The following LMBR1 variants were observed in gnomAD, a reference collection of about 807,000 sequenced individuals.
The protein encoded by LMBR1 is limb region 1 protein homolog.
LMBR1 carries 52 observed loss-of-function variants against 73.9 expected under a neutral mutation model. The ratio of observed to expected loss-of-function variants is 0.70; its 90% CI spans 0.56 to 0.89. LMBR1 has a LOEUF of 0.89. Among genes scored for constraint, LMBR1 ranks in the 40% least tolerant of loss-of-function variants. LMBR1 has a pLI of 0.00. For missense variants in LMBR1, 539 were observed against 579.8 expected, an observed-to-expected ratio of 0.93 and a Z score of 0.72; for synonymous variants, 215 against 209.4, an observed-to-expected ratio of 1.03 and a Z score of -0.23.
intron 2 of LMBR1, among the ~76,000 whole-genome samples, chr7:156,835,649 C>A (rs1837489487): frequency 6.7e-6 from 1 of 149,788 alleles, no homozygotes; most frequent in African/African-American, 2.5e-5. Flanking sequence ...AAGCCGAGAT[C>A]GCACCACTGC....
chr7:156,706,898 A>AC (rs1320126775), intron 15 of LMBR1, among the ~76,000 whole-genome samples: 1 of 151,746 alleles, frequency 6.6e-6, no homozygotes, highest in Non-Finnish European at 1.5e-5. Context: ...CAAAAAAAAA[A>AC]CAATAAAATA....
rs571098930 is a variant in LMBR1, at chr7:156,756,526, C to G, written c.685-61G>C. The stretch of plus-strand genomic sequence containing the variant: ...GTTATAAAACGAATGCTTATGAGAC[C>G]ATTTAGGCTATTTGGTCAATTTATT... On this transcript the variant is annotated intron_variant, in intron 8 of 16. Transcript: ENST00000353442. The G allele has an allele frequency of 9.8e-5, 78 of 798,642 alleles. No homozygotes were observed. In the African/African-American group the frequency reaches 1.2e-3, roughly 12 times the overall value. The allele number at this position is 798,642 out of a possible 1,614,324, so 49.5% of individuals were successfully genotyped here. A position where few individuals can be genotyped will look rare whatever the true frequency, so the allele number is the denominator to read the frequency against.
intron 5 of LMBR1, among the ~76,000 whole-genome samples, chr7:156,777,408 C>T (rs1445986800): frequency 6.6e-6 from 1 of 152,170 alleles, no homozygotes; most frequent in Non-Finnish European, 1.5e-5. Flanking sequence ...ATTTCTAATT[C>T]TTTCGTTCTA....
Position 156,877,621 on chromosome 7 carries a change from T to C in LMBR1, c.66+15307A>G, listed in dbSNP as rs924245493. 2.6e-5 allele frequency among the ~76,000 whole-genome samples: 4 copies of C among 152,012 alleles called. No homozygotes were observed. In the South Asian group the frequency reaches 8.3e-4, roughly 32 times the overall value. On this transcript the variant is annotated intron_variant, in intron 1 of 16. Transcript: ENST00000353442. ...CAAGTCGGCCGGGCGCGGTGGCTCA[T>C]GCCTGTAATCCCAGCACGTTGGGAG... is the stretch of plus-strand genomic sequence containing the variant.
intron 9 of LMBR1, among the ~76,000 whole-genome samples, chr7:156,738,445 C>G (rs1207903088): frequency 4.6e-5 from 7 of 152,158 alleles, no homozygotes; most frequent in Admixed American, 4.6e-4. Context: ...AGTCCTGCTG[C>G]TGGGCTGGGC....
chr7:156,750,132 G>A (rs1417714003), intron 9 of LMBR1, among the ~76,000 whole-genome samples: 1 of 152,096 alleles, frequency 6.6e-6, no homozygotes. Flanking sequence ...AACTCCGGAG[G>A]TTTTGAACTT....
At chr7:156,701,629 C>A (rs1809715409) in intron 15 of LMBR1, among the ~76,000 whole-genome samples, 1 of 152,116 alleles carries the variant, frequency 6.6e-6, no homozygotes, top group Non-Finnish European at 1.5e-5. Context: ...ATGGTACAAC[C>A]ACTCTTTTCA....
At chr7:156,805,575 C>T (rs78280235) in intron 4 of LMBR1, among the ~76,000 whole-genome samples, 4,840 of 152,246 alleles carry the variant, frequency 0.032, 123 homozygotes, top group South Asian at 0.085. Flanking sequence ...ATGGTCAATC[C>T]TCTAACTTTG....
intron 1 of LMBR1, among the ~76,000 whole-genome samples, chr7:156,863,894 A>G (rs1472716649): frequency 6.6e-6 from 1 of 152,192 alleles, no homozygotes; most frequent in Non-Finnish European, 1.5e-5. Context: ...TCACACCTGT[A>G]ATCCCAGCAC....
At position 156,684,035 on chromosome 7, in the gene LMBR1, A is replaced by T; in HGVS notation, c.*43T>A. 2.1e-6 allele frequency: 3 copies of T among 1,457,964 alleles called. No individual in the cohort carries two copies. Among genetic ancestry groups the T allele is most frequent in the African/African-American group, 2.8e-5 (2 of 71,588 alleles). 90.3% of individuals were successfully genotyped at this position (1,457,964 alleles called of 1,614,324 possible). A position where few individuals can be genotyped will look rare whatever the true frequency, so the allele number is the denominator to read the frequency against. ...TGGGACAGGAATGTCGTGAATCTGG[A>T]GTTCTCGGGTCTCTTGGTGGCAGAA... On this transcript the variant is annotated 3_prime_UTR_variant, in exon 17 of 17. Transcript: ENST00000353442.
At chr7:156,758,355 T>C (rs951338842) in intron 8 of LMBR1, among the ~76,000 whole-genome samples, 1 of 152,258 alleles carries the variant, frequency 6.6e-6, no homozygotes, top group Non-Finnish European at 1.5e-5. Flanking sequence ...ATCTTTCTTA[T>C]GCAAATTGTC....
chr7:156,694,945 G>T (rs1413670620), intron 15 of LMBR1, among the ~76,000 whole-genome samples: 1 of 152,060 alleles, frequency 6.6e-6, no homozygotes, highest in Non-Finnish European at 1.5e-5. Context: ...GAAAGTAAAA[G>T]ACATGTAAAA....
Position 156,795,410 on chromosome 7 carries a change from A to G in LMBR1, c.423+979T>C, listed in dbSNP as rs759862712. Among the ~76,000 whole-genome samples the G allele has an allele frequency of 2.0e-5, 3 of 152,336 alleles. No homozygotes were observed. The East Asian group carries it at 5.8e-4, about 29-fold the overall frequency. ...CCAGCAAGCTCCTATAAAGAGCATA[A>G]TAACTGCTACTTAAGGAATTGGTTA... On this transcript the variant is annotated intron_variant, in intron 5 of 16. Transcript: ENST00000353442.
At chr7:156,850,324 C>T (rs1009621520) in intron 1 of LMBR1, among the ~76,000 whole-genome samples, 8 of 152,162 alleles carry the variant, frequency 5.3e-5, no homozygotes, top group African/African-American at 1.9e-4. Flanking sequence ...CAGAATCATA[C>T]ACCAAATAAA....
At chr7:156,725,923 G>A in intron 12 of LMBR1, 86 bp from the exon 13 acceptor site, 1 of 1,009,088 alleles carries the variant, frequency 9.9e-7, no homozygotes, top group East Asian at 2.5e-5. Context: ...AAATAAGACA[G>A]TTGAAATTAT....
intron 5 of LMBR1, among the ~76,000 whole-genome samples, chr7:156,776,186 A>G (rs1195822345): frequency 6.6e-6 from 1 of 151,658 alleles, no homozygotes; most frequent in Non-Finnish European, 1.5e-5. Flanking sequence ...GTTCACTATA[A>G]TGACTCAAAC....
chr7:156,758,276 T>C (rs963330576), intron 8 of LMBR1, among the ~76,000 whole-genome samples: 4 of 152,238 alleles, frequency 2.6e-5, no homozygotes, highest in Non-Finnish European at 4.4e-5. Context: ...ACACTTCTTT[T>C]CACTTTCTAC....
chr7:156,798,021 T>A (rs973095883), intron 4 of LMBR1, among the ~76,000 whole-genome samples: 2 of 152,198 alleles, frequency 1.3e-5, no homozygotes, highest in African/African-American at 4.8e-5. Context: ...AAAAAGAGTA[T>A]AATTAGAGTC....
intron 1 of LMBR1, chr7:156,892,721 A>G: frequency 3.2e-6 from 1 of 317,030 alleles, no homozygotes; most frequent in East Asian, 5.7e-5. Flanking sequence ...AGAGGAAGCG[A>G]AGGGGAGGGG....
Sources: gnomAD v4.1 joint callset for allele counts (sites outside exome capture counted in the v4.1 genomes callset) on GRCh38, gnomAD v4.1.1 for gene constraint, MANE v1.5 for transcripts, NCBI Gene and HGNC (gene_info 2026-07-23, HGNC 2026-07-21) for gene names.